The following LGR5 variants were observed in gnomAD, a reference collection of about 807,000 sequenced individuals.
LGR5 encodes leucine-rich repeat-containing G protein-coupled receptor 5.
LGR5 carries 54 observed loss-of-function variants against 76.7 expected under a neutral mutation model. That is an observed-to-expected ratio of 0.70 (90% CI 0.57 to 0.88). The LOEUF (loss-of-function observed/expected upper bound fraction) is 0.88, where lower values mean the gene tolerates loss of function less well. LGR5 is among the 40% of genes least tolerant of loss of function. The pLI is 0.00. For missense variants in LGR5, 1,078 were observed against 1,073.3 expected (o/e 1.00, Z -0.06); for synonymous variants, 406 against 421.9 (o/e 0.96, Z 0.46).
chr12:71,489,785 A>G (rs1873984718), intron 1 of LGR5, among the ~76,000 whole-genome samples: 1 of 152,174 alleles, frequency 6.6e-6, no homozygotes, highest in South Asian at 2.1e-4. Flanking sequence ...AACTTAGGCC[A>G]GGCATGGTGG....
chr12:71,477,030 T>A (rs1873367301), intron 1 of LGR5, among the ~76,000 whole-genome samples: 1 of 152,056 alleles, frequency 6.6e-6, no homozygotes, highest in African/African-American at 2.4e-5. Flanking sequence ...ACAGGTACAT[T>A]AACAAATTTG....
intron 2 of LGR5, among the ~76,000 whole-genome samples, chr12:71,519,824 C>A (rs1469609245): frequency 6.7e-6 from 1 of 149,718 alleles, no homozygotes; most frequent in Non-Finnish European, 1.5e-5. Context: ...GACCCTGTTT[C>A]AAAAAAATAA....
At chr12:71,583,440 A>C (rs1592568569) in intron 17 of LGR5, 2 of 569,824 alleles carry the variant, frequency 3.5e-6, no homozygotes, top group Non-Finnish European at 6.2e-6. Context: ...GAACAGGAGC[A>C]CCGGGTGTAC....
At chr12:71,471,015 T>A (rs906696247) in intron 1 of LGR5, among the ~76,000 whole-genome samples, 2 of 152,158 alleles carry the variant, frequency 1.3e-5, no homozygotes, top group African/African-American at 2.4e-5. Flanking sequence ...TTGTCTCCCC[T>A]CCCCATGAGG....
chr12:71,542,194 G>A (rs1285649793), intron 4 of LGR5, among the ~76,000 whole-genome samples: 7 of 152,194 alleles, frequency 4.6e-5, no homozygotes, highest in East Asian at 1.9e-4. Context: ...GAAAGTGAAA[G>A]GCATCCTACT....
At chr12:71,529,237 T>G (rs1330586202) in intron 3 of LGR5, among the ~76,000 whole-genome samples, 1 of 152,204 alleles carries the variant, frequency 6.6e-6, no homozygotes, top group Non-Finnish European at 1.5e-5. Context: ...GACTGGGTAA[T>G]TTATAAAGAA....
intron 4 of LGR5, among the ~76,000 whole-genome samples, chr12:71,542,196 C>T (rs1296445377): frequency 6.6e-6 from 1 of 152,212 alleles, no homozygotes; most frequent in Non-Finnish European, 1.5e-5. Context: ...AAGTGAAAGG[C>T]ATCCTACTGC....
intron 2 of LGR5, among the ~76,000 whole-genome samples, chr12:71,510,370 T>A (rs917348859): frequency 1.3e-5 from 2 of 152,186 alleles, no homozygotes; most frequent in African/African-American, 4.8e-5. Context: ...GTTTGTGGTG[T>A]ATATCTTTTG....
intron 4 of LGR5, among the ~76,000 whole-genome samples, chr12:71,542,526 T>C (rs1199045018): frequency 6.6e-6 from 1 of 152,018 alleles, no homozygotes; most frequent in Non-Finnish European, 1.5e-5. Context: ...ATTGCAATAG[T>C]CTAGGAGAGA....
chr12:71,514,722 A>G (rs1363263428), intron 2 of LGR5, among the ~76,000 whole-genome samples: 1 of 152,216 alleles, frequency 6.6e-6, no homozygotes, highest in African/African-American at 2.4e-5. Context: ...TGTTTTTATT[A>G]TATCAAATAA....
rs910839255 is a variant in LGR5 at position 71,566,375 on chromosome 12, A to G, written c.858-29A>G. On this transcript the variant is annotated intron_variant, in intron 8 of 17. Transcript: ENST00000266674. ...TTCATCTTTCAAATTTTATACTAAG[A>G]TATTAATTGCTGTTTGGGTTTCTTT... 4.3e-6 allele frequency: 6 copies of G among 1,385,880 alleles called. No individual in the cohort carries two copies. In the African/African-American group the frequency reaches 5.6e-5, roughly 13 times the overall value. The allele number at this position is 1,385,880 out of a possible 1,614,324, so 85.8% of individuals were successfully genotyped here.
At chr12:71,554,543 C>A (rs1877662843) in intron 5 of LGR5, among the ~76,000 whole-genome samples, 1 of 152,134 alleles carries the variant, frequency 6.6e-6, no homozygotes, top group Non-Finnish European at 1.5e-5. Context: ...GGTCCCAAGG[C>A]AAGGAGGGAG....
chr12:71,566,805 G>T, intron 10 of LGR5, 36 bp from the exon 11 acceptor site: 1 of 1,595,866 alleles, frequency 6.3e-7, no homozygotes, highest in Non-Finnish European at 8.6e-7. Flanking sequence ...TGTGATGCCT[G>T]AATGAAAGAA....
chr12:71,544,536 T>TA (rs75222528), intron 4 of LGR5, among the ~76,000 whole-genome samples: 2,580 of 140,702 alleles, frequency 0.018, 35 homozygotes, highest in Middle Eastern at 0.029. Flanking sequence ...CCATAAATAT[T>TA]AAAAAAAAAA....
At chr12:71,545,846 C>T (rs147729292) in intron 4 of LGR5, among the ~76,000 whole-genome samples, 2 of 152,064 alleles carry the variant, frequency 1.3e-5, no homozygotes, top group East Asian at 3.9e-4. Context: ...ATTCTCTAAT[C>T]TTTACAATAA....
intron 1 of LGR5, among the ~76,000 whole-genome samples, chr12:71,460,791 C>T (rs908514883): frequency 1.1e-4 from 16 of 152,112 alleles, no homozygotes; most frequent in Non-Finnish European, 1.5e-4. Context: ...CATTTCATCC[C>T]GCCTTACACA....
At chr12:71,476,767 G>A (rs1873353727) in intron 1 of LGR5, among the ~76,000 whole-genome samples, 1 of 152,122 alleles carries the variant, frequency 6.6e-6, no homozygotes, top group Non-Finnish European at 1.5e-5. Context: ...AATCTGTTGG[G>A]AACTAAGTTC....
At chr12:71,540,389 T>C (rs753177759) in intron 4 of LGR5, among the ~76,000 whole-genome samples, 2 of 152,174 alleles carry the variant, frequency 1.3e-5, no homozygotes, top group Non-Finnish European at 2.9e-5. Context: ...AAAGAAGAAT[T>C]AAACATATCT....
chr12:71,573,630 A>G (rs1399243868), intron 13 of LGR5, among the ~76,000 whole-genome samples: 3 of 152,224 alleles, frequency 2.0e-5, no homozygotes, highest in Non-Finnish European at 4.4e-5. Flanking sequence ...AACGGTGATG[A>G]TAGGTAATGT....
Sources: gnomAD v4.1 joint callset for allele counts (sites outside exome capture counted in the v4.1 genomes callset) on GRCh38, gnomAD v4.1.1 for gene constraint, MANE v1.5 for transcripts, NCBI Gene and HGNC (gene_info 2026-07-23, HGNC 2026-07-21) for gene names.